The following HRH1 variants were observed in gnomAD, a reference collection of about 807,000 sequenced individuals.
HRH1 encodes the protein histamine H1 receptor.
HRH1 carries 6 observed loss-of-function variants against 10.3 expected under a neutral mutation model. That is an observed-to-expected ratio of 0.58 (90% confidence interval 0.32 to 1.15). The LOEUF (loss-of-function observed/expected upper bound fraction) is 1.15, where lower values mean the gene tolerates loss of function less well. HRH1 is among the 50% of genes most tolerant of loss of function. HRH1 has a pLI of 0.05. For missense variants in HRH1, 514 were observed against 615.3 expected (o/e 0.84, Z 1.74); for synonymous variants, 242 against 236.7 (o/e 1.02, Z -0.21).
At chr3:11,181,853 G>A (rs145814095) in intron 1 of HRH1, among the ~76,000 whole-genome samples, 2 of 151,880 alleles carry the variant, frequency 1.3e-5, no homozygotes, top group Non-Finnish European at 2.9e-5. Flanking sequence ...GGATGGTCTC[G>A]ATCTCCTGAC....
At chr3:11,149,751 A>G (rs1025135943), upstream of HRH1, among the ~76,000 whole-genome samples, 4 of 152,278 alleles carry the variant, frequency 2.6e-5, no homozygotes, top group Non-Finnish European at 5.9e-5. Context: ...CACATTTCTG[A>G]GCCATTACAT....
chr3:11,197,148 C>A (rs1488216641), intron 1 of HRH1, among the ~76,000 whole-genome samples: 1 of 149,402 alleles, frequency 6.7e-6, no homozygotes, highest in Admixed American at 6.7e-5. Flanking sequence ...AAAGCAGAAT[C>A]TCAGGCTGGC....
chr3:11,190,107 A>G (rs1937513111), intron 1 of HRH1, among the ~76,000 whole-genome samples: 1 of 152,134 alleles, frequency 6.6e-6, no homozygotes, highest in African/African-American at 2.4e-5. Context: ...GGATGTTTAT[A>G]CAAAGGTGTC....
chr3:11,226,842 G>A (rs1483302022), intron 1 of HRH1, among the ~76,000 whole-genome samples: 1 of 151,130 alleles, frequency 6.6e-6, no homozygotes, highest in Non-Finnish European at 1.5e-5. Flanking sequence ...AGCCGAGATG[G>A]CACCATTGCA....
upstream of HRH1, among the ~76,000 whole-genome samples, chr3:11,150,550 T>C (rs1936584353): frequency 6.6e-6 from 1 of 152,224 alleles, no homozygotes; most frequent in South Asian, 2.1e-4. Flanking sequence ...GTAGTGACAC[T>C]CATTTCTTCT....
In HRH1 at chr3:11,161,847, TTCTCCCACTGG is replaced by T. The variant is rs1289571316; in HGVS notation, c.-36+7298_-36+7308del. ...CAAGCCAGGAACTCAAGATGGAGTT[TTCTCCCACTGG>T]TCTCTCCTGTAGGGGGCGGTGGGAA... On this transcript the variant is annotated intron_variant, in intron 1 of 1. Transcript: ENST00000431010. Among the ~76,000 whole-genome samples, 4 of 152,202 alleles carry T rather than the reference TTCTCCCACTGG, an allele frequency of 2.6e-5. No individual in the cohort carries two copies. The East Asian group carries it at 7.7e-4, about 29-fold the overall frequency.
intron 1 of HRH1, among the ~76,000 whole-genome samples, chr3:11,186,034 C>A (rs778288138): frequency 1.3e-5 from 2 of 152,100 alleles, no homozygotes; most frequent in African/African-American, 4.8e-5. Context: ...CCTGCTCTGC[C>A]GAGAATTCCC....
chr3:11,248,429 G>T (rs981821088), intron 1 of HRH1, among the ~76,000 whole-genome samples: 1 of 152,124 alleles, frequency 6.6e-6, no homozygotes, highest in African/African-American at 2.4e-5. Context: ...GAGGATCAAA[G>T]GATCCAGGAG....
intron 1 of HRH1, among the ~76,000 whole-genome samples, chr3:11,198,720 G>C (rs936232841): frequency 7.0e-6 from 1 of 143,266 alleles, no homozygotes; most frequent in African/African-American, 2.7e-5. Context: ...CTGAGTGACA[G>C]AGTGAGACCC....
chr3:11,254,567 C>T (rs1324946460), intron 1 of HRH1, among the ~76,000 whole-genome samples: 1 of 152,190 alleles, frequency 6.6e-6, no homozygotes, highest in African/African-American at 2.4e-5. Flanking sequence ...CTTTTCTTCC[C>T]TCATTGCTAG....
intron 1 of HRH1, among the ~76,000 whole-genome samples, chr3:11,179,446 C>G (rs1460910546): frequency 3.3e-5 from 5 of 151,494 alleles, no homozygotes; most frequent in African/African-American, 1.2e-4. Context: ...TGGTGAAACC[C>G]CGTCTCTACT....
chr3:11,140,641 C>T (rs542693843), intron 1 of HRH1, among the ~76,000 whole-genome samples: 85 of 152,272 alleles, frequency 5.6e-4, no homozygotes, highest in African/African-American at 2.0e-3. Flanking sequence ...GGAGCCCTGC[C>T]TACCTCCTGT....
intron 1 of HRH1, among the ~76,000 whole-genome samples, chr3:11,210,797 GA>G (rs59390388): frequency 0.012 from 1,662 of 135,320 alleles, 28 homozygotes; most frequent in African/African-American, 0.037. Flanking sequence ...TGTCTCAAAA[GA>G]AAAAAAAAAA....
At chr3:11,233,549 T>C (rs1428287676) in intron 1 of HRH1, among the ~76,000 whole-genome samples, 1 of 152,176 alleles carries the variant, frequency 6.6e-6, no homozygotes, top group Non-Finnish European at 1.5e-5. Flanking sequence ...CTGACCAGAC[T>C]GAGAGCCTGT....
intron 1 of HRH1, among the ~76,000 whole-genome samples, chr3:11,212,733 A>G (rs1445732299): frequency 6.6e-6 from 1 of 152,214 alleles, no homozygotes; most frequent in Non-Finnish European, 1.5e-5. Flanking sequence ...GTAGTATAGC[A>G]TAGCAATTAA....
In HRH1 at chr3:11,259,519, C is replaced by G; in HGVS notation, c.482C>G (p.Pro161Arg). The G allele has an allele frequency of 6.2e-7, 1 of 1,614,080 alleles. No individual in the cohort carries two copies. The highest frequency in any genetic ancestry group is 8.5e-7 in the Non-Finnish European group (1 of 1,180,026). Reference sequence around the variant, plus strand: ...TTTCTCTCTTTTCTGTGGGTTATTCCCATTCTAGGCTGGAATCACTTCATG... The same window carrying G: ...TTTCTCTCTTTTCTGTGGGTTATTCGCATTCTAGGCTGGAATCACTTCATG... ...AWFLSFLWVIPILGWNHFMQQ... is the reference protein window; with the variant it reads ...AWFLSFLWVIRILGWNHFMQQ... The change falls in exon 2 of 2, where the codon CCC becomes CGC. Residue 161 changes from proline to arginine, a missense_variant. Coordinates refer to ENST00000431010, the MANE Select transcript of HRH1 (RefSeq NM_001098212.2). The surrounding 1 kb of genome is among the most constrained non-coding windows in gnomAD (Gnocchi z 4.6).
rs73814585 is a variant in HRH1, at chr3:11,235,859, A to G, written c.-35-23144A>G. On this transcript the variant is annotated intron_variant, in intron 1 of 1. Coordinates refer to ENST00000431010, the MANE Select transcript of HRH1 (RefSeq NM_001098212.2). ...TACTTTGCTAGGCAGCCTCTTTCCCAGTCCTTTGGCTGGACACAGCAGGCT... is the reference window on the plus strand; with the variant it reads ...TACTTTGCTAGGCAGCCTCTTTCCCGGTCCTTTGGCTGGACACAGCAGGCT... 5.1e-3 allele frequency among the ~76,000 whole-genome samples: 780 copies of G among 152,330 alleles called. 8 individuals carry two copies. Among genetic ancestry groups the G allele is most frequent in the African/African-American group, 0.018 (740 of 41,574 alleles).
At chr3:11,149,734 T>G (rs1013374785), upstream of HRH1, among the ~76,000 whole-genome samples, 8 of 152,388 alleles carry the variant, frequency 5.2e-5, no homozygotes, top group South Asian at 2.1e-4. Context: ...ACAGAATTTA[T>G]GCTGAACACA....
chr3:11,181,148 T>A (rs1038465830), intron 1 of HRH1, among the ~76,000 whole-genome samples: 1 of 151,918 alleles, frequency 6.6e-6, no homozygotes, highest in Non-Finnish European at 1.5e-5. Context: ...CTAGGCCTAG[T>A]GGCATGTGCC....
Sources: gnomAD v4.1 joint callset for allele counts (sites outside exome capture counted in the v4.1 genomes callset) on GRCh38, gnomAD v4.1.1 for gene constraint, Gnocchi (gnomAD v3.1) non-coding constraint, MANE v1.5 for transcripts, NCBI Gene and HGNC (gene_info 2026-07-23, HGNC 2026-07-21) for gene names.